The following CDH12 variants were observed in gnomAD, a reference collection of about 807,000 sequenced individuals.
CDH12 encodes cadherin-12.
In CDH12, 41 loss-of-function variants were observed where a neutral mutation model predicts 74.1. The observed-to-expected ratio is 0.55, with a 90% CI of 0.43 to 0.72. The LOEUF (loss-of-function observed/expected upper bound fraction) is 0.72, where lower values mean the gene tolerates loss of function less well. CDH12 is among the 30% of genes least tolerant of loss of function. The probability of loss-of-function intolerance (pLI) is 0.00; values close to 1 mark genes in which losing one functional copy is unlikely to be tolerated. For missense variants in CDH12, 945 were observed against 977.2 expected (o/e 0.97, Z 0.44); for synonymous variants, 399 against 355.0 (o/e 1.12, Z -1.39).
At chr5:22,649,709 T>G (rs947039304) in intron 1 of CDH12, among the ~76,000 whole-genome samples, 6 of 152,020 alleles carry the variant, frequency 3.9e-5, no homozygotes, top group African/African-American at 1.4e-4. Flanking sequence ...GCATACACTT[T>G]GCATTGCTAA....
intron 3 of CDH12, among the ~76,000 whole-genome samples, chr5:22,279,825 C>A (rs181533190): frequency 2.8e-4 from 42 of 152,128 alleles, no homozygotes; most frequent in African/African-American, 8.4e-4. Flanking sequence ...TGAGTAGTGC[C>A]GCAATAAACA....
At chr5:22,346,782 GA>G (rs1270556890) in intron 3 of CDH12, among the ~76,000 whole-genome samples, 4 of 152,146 alleles carry the variant, frequency 2.6e-5, no homozygotes. Context: ...AACCTGCTGG[GA>G]AAGGTCAGTG....
At chr5:22,269,969 C>T (rs1190220197) in intron 3 of CDH12, among the ~76,000 whole-genome samples, 1 of 152,036 alleles carries the variant, frequency 6.6e-6, no homozygotes, top group African/African-American at 2.4e-5. Flanking sequence ...ATTCATTCTA[C>T]CTATTTTGAT....
At chr5:21,882,314 C>T (rs139556182) in intron 6 of CDH12, among the ~76,000 whole-genome samples, 3 of 152,076 alleles carry the variant, frequency 2.0e-5, no homozygotes, top group East Asian at 1.9e-4. Flanking sequence ...CAGAGGATGA[C>T]GTAAAGCAAT....
At chr5:21,950,757 T>TTTTTTATTA (rs369699094) in intron 6 of CDH12, among the ~76,000 whole-genome samples, 1,391 of 136,960 alleles carry the variant, frequency 0.01, 12 homozygotes, top group Non-Finnish European at 0.016. Flanking sequence ...TAAATTTTAT[T>TTTTTTATTA]TTATTATTAT....
At chr5:22,502,661 G>GACACAC (rs3039484) in intron 2 of CDH12, among the ~76,000 whole-genome samples, 1 of 119,200 alleles carries the variant, frequency 8.4e-6, no homozygotes, top group Admixed American at 1.3e-4. Context: ...CGCACACACA[G>GACACAC]ACACACACAC....
chr5:21,935,906 T>C (rs529362703), intron 6 of CDH12, among the ~76,000 whole-genome samples: 1 of 152,318 alleles, frequency 6.6e-6, no homozygotes, highest in Admixed American at 6.5e-5. Context: ...CTATCCACAT[T>C]GTAGCAAATG....
chr5:22,420,173 T>C (rs957569702), intron 2 of CDH12, among the ~76,000 whole-genome samples: 2 of 152,128 alleles, frequency 1.3e-5, no homozygotes, highest in African/African-American at 4.8e-5. Flanking sequence ...AGCTCTTTAG[T>C]TTAATTATAT....
intron 6 of CDH12, among the ~76,000 whole-genome samples, chr5:21,944,388 A>G (rs1470988710): frequency 1.3e-5 from 2 of 152,182 alleles, no homozygotes; most frequent in African/African-American, 2.4e-5. Flanking sequence ...TTAGGATTAC[A>G]TACTGGTACT....
intron 1 of CDH12, among the ~76,000 whole-genome samples, chr5:22,714,289 A>G (rs1018008927): frequency 2.0e-5 from 3 of 152,194 alleles, no homozygotes; most frequent in Admixed American, 2.0e-4. Flanking sequence ...CATAGGATGT[A>G]GAAGCAAACT....
intron 3 of CDH12, among the ~76,000 whole-genome samples, chr5:22,270,603 AAAT>A (rs1736351865): frequency 7.9e-6 from 1 of 126,888 alleles, no homozygotes; most frequent in Non-Finnish European, 1.7e-5. Context: ...TCAAAAAAAA[AAAT>A]ATATATATAT....
At chr5:22,426,423 C>G (rs974996091) in intron 2 of CDH12, among the ~76,000 whole-genome samples, 3 of 151,812 alleles carry the variant, frequency 2.0e-5, no homozygotes, top group Admixed American at 6.6e-5. Flanking sequence ...TGCCTATGGT[C>G]AATTTATAGT....
intron 3 of CDH12, among the ~76,000 whole-genome samples, chr5:22,236,413 TAAACTTTTG>T (rs1476646291): frequency 1.3e-5 from 2 of 152,210 alleles, no homozygotes; most frequent in Non-Finnish European, 2.9e-5. Context: ...CATTTTATTT[TAAACTTTTG>T]AAACTTTTTA....
chr5:22,781,710 G>T (rs930486796), intron 1 of CDH12, among the ~76,000 whole-genome samples: 1 of 151,944 alleles, frequency 6.6e-6, no homozygotes, highest in African/African-American at 2.4e-5. Flanking sequence ...CTGCTTCTTC[G>T]GCCAGAATGC....
chr5:21,847,071 G>A lies in CDH12; in HGVS notation c.647-4743C>T, dbSNP rs116234933. 6.7e-3 allele frequency among the ~76,000 whole-genome samples: 1,022 copies of A among 152,150 alleles called. 11 individuals carry two copies. The highest frequency in any genetic ancestry group is 0.023 in the African/African-American group (965 of 41,522). On this transcript the variant is annotated intron_variant, in intron 7 of 14. Transcript: ENST00000382254. ...ATGGTGAGGTTGGAGCGTAAGCCAGGTCACAGAGCTCCTCCACTCTGAAGT... is the reference window on the plus strand; with the variant it reads ...ATGGTGAGGTTGGAGCGTAAGCCAGATCACAGAGCTCCTCCACTCTGAAGT...
chr5:22,020,999 G>T (rs537119950), intron 5 of CDH12, among the ~76,000 whole-genome samples: 1 of 152,074 alleles, frequency 6.6e-6, no homozygotes, highest in Non-Finnish European at 1.5e-5. Flanking sequence ...CCAGGGAGAT[G>T]GTACAGACTG....
chr5:21,792,707 A>G (rs1387080185), intron 10 of CDH12, among the ~76,000 whole-genome samples: 1 of 148,798 alleles, frequency 6.7e-6, no homozygotes, highest in African/African-American at 2.5e-5. Flanking sequence ...TTATCTGACC[A>G]CTGTATTTTG....
At chr5:22,137,725 T>C (rs1305569621) in intron 4 of CDH12, among the ~76,000 whole-genome samples, 1 of 152,072 alleles carries the variant, frequency 6.6e-6, no homozygotes, top group Non-Finnish European at 1.5e-5. Context: ...TTTGATAATT[T>C]ATTGCGACCC....
At chr5:22,817,690 T>C (rs1328052044) in intron 1 of CDH12, among the ~76,000 whole-genome samples, 2 of 152,186 alleles carry the variant, frequency 1.3e-5, no homozygotes, top group Non-Finnish European at 2.9e-5. Context: ...CTATGCATCA[T>C]AATTTCAATA....
Sources: allele counts gnomAD v4.1 joint callset (sites outside exome capture counted in the v4.1 genomes callset), GRCh38; gene constraint gnomAD v4.1.1; transcripts MANE v1.5; gene names NCBI Gene and HGNC (gene_info 2026-07-23, HGNC 2026-07-21).